ZNF516: variants seen among roughly 807,000 people sequenced by gnomAD.
ZNF516 encodes zinc finger protein 516.
Under a neutral mutation model 79.7 loss-of-function variants are expected in ZNF516, and 19 were observed. The observed-to-expected ratio is 0.24, with a 90% confidence interval of 0.17 to 0.35. The LOEUF is 0.35. Among genes scored for constraint, ZNF516 ranks in the 10% least tolerant of loss-of-function variants. ZNF516 has a pLI of 1.00. For synonymous variants in ZNF516, 877 were observed against 739.5 expected (o/e 1.19, Z -3.02); for missense variants, 1,678 against 1,679.5 (o/e 1.00, Z 0.02).
chr18:76,371,513 G>A lies in ZNF516; in HGVS notation c.3318C>T (p.Ser1106=), dbSNP rs1413697543. 2 of 1,610,630 alleles carry A rather than the reference G, an allele frequency of 1.2e-6. No homozygotes were observed. Among genetic ancestry groups the A allele is most frequent in the South Asian group, 1.1e-5 (1 of 91,064 alleles). Residue 1106 remains serine, a synonymous_variant, in exon 5 of 7, where the codon AGC becomes AGT. Coordinates refer to ENST00000443185, the MANE Select transcript of ZNF516 (RefSeq NM_014643.4). ...CCCTGAGGTGGCCGGGCTGGTGGAA[G>A]CTCTTTCCGCACTCGATGCAGACGA... ...GEFVCIECGK[S]FHQPGHLRAH...
intron 3 of ZNF516, among the ~76,000 whole-genome samples, chr18:76,435,783 C>G (rs111695633): frequency 6.6e-6 from 1 of 152,332 alleles, no homozygotes; most frequent in East Asian, 1.9e-4. Context: ...CAGGGCACAC[C>G]GTGCCAGCTC....
intron 1 of ZNF516, among the ~76,000 whole-genome samples, chr18:76,480,529 A>ATCTATATATT (rs374464151): frequency 7.0e-6 from 1 of 142,024 alleles, no homozygotes; most frequent in Non-Finnish European, 1.5e-5. Context: ...ACACACATAT[A>ATCTATATATT]TTTTTTTTTT....
At chr18:76,370,211 T>A (rs769987752) in intron 6 of ZNF516, among the ~76,000 whole-genome samples, 1 of 152,190 alleles carries the variant, frequency 6.6e-6, no homozygotes, top group African/African-American at 2.4e-5. Context: ...CAAACTCACA[T>A]CCAAAACCAT....
intron 3 of ZNF516, among the ~76,000 whole-genome samples, chr18:76,412,822 G>A (rs1175988269): frequency 6.6e-6 from 1 of 152,198 alleles, no homozygotes; most frequent in Non-Finnish European, 1.5e-5. Context: ...CTCTCCCAAA[G>A]AACTCCGGGT....
chr18:76,386,842 T>C (rs781578699), intron 3 of ZNF516: 1 of 152,222 alleles, frequency 6.6e-6, no homozygotes, highest in Non-Finnish European at 1.5e-5. Flanking sequence ...GCCAAACATC[T>C]TAAATATTTT....
At chr18:76,466,317 A>G (rs1913464601) in intron 1 of ZNF516, among the ~76,000 whole-genome samples, 2 of 152,064 alleles carry the variant, frequency 1.3e-5, no homozygotes, top group African/African-American at 4.8e-5. Context: ...TGCAACAGAG[A>G]CTCCGTTCCC....
upstream of ZNF516, chr18:76,495,332 C>T (rs1915439722): frequency 6.9e-6 from 1 of 144,936 alleles, no homozygotes; most frequent in East Asian, 2.1e-4. Context: ...TCGCGCCGCC[C>T]GCGCGCGCCC....
In ZNF516 at chr18:76,467,258, TGA is replaced by T. The variant is rs1160244056; in HGVS notation, c.-271-4119_-271-4118del. ...CTGCGTGTCTCTCGGAACCTGCAGC[TGA>T]CAGCCCCTCTGGGTTGGCAGGAAGT... On this transcript the variant is annotated intron_variant, in intron 1 of 6. Transcript: ENST00000443185. This position sits in a 1 kb window ranked among gnomAD's most constrained non-coding sequence, Gnocchi z 4.2. Among the ~76,000 whole-genome samples, 1,726 of 5,254 alleles carry T rather than the reference TGA, an allele frequency of 0.33. 679 individuals carry two copies. The highest frequency in any genetic ancestry group is 0.7 in the Non-Finnish European group (931 of 1,330). 3.4% of individuals were successfully genotyped at this position (5,254 alleles called of 152,430 possible).
rs574588145 is a variant in ZNF516, at chr18:76,436,455, T to C, written c.1810+4790A>G. Reference sequence around the variant, plus strand: ...CTCGTGGGACCCATGATGAACACTGTGTGAGGACAAGCGCTCCTCCCAACC... The same window carrying C: ...CTCGTGGGACCCATGATGAACACTGCGTGAGGACAAGCGCTCCTCCCAACC... On this transcript the variant is annotated intron_variant, in intron 3 of 6. Coordinates refer to ENST00000443185, the MANE Select transcript of ZNF516 (RefSeq NM_014643.4). Among the ~76,000 whole-genome samples the C allele has an allele frequency of 3.9e-5, 6 of 152,250 alleles. No homozygotes were observed. The South Asian group carries it at 1.2e-3, about 32-fold the overall frequency.
chr18:76,417,800 C>G (rs976593226), intron 3 of ZNF516, among the ~76,000 whole-genome samples: 1 of 151,952 alleles, frequency 6.6e-6, no homozygotes, highest in Non-Finnish European at 1.5e-5. Context: ...TCAGAAAGCC[C>G]TAAGTTAAGA....
intron 3 of ZNF516, among the ~76,000 whole-genome samples, chr18:76,406,703 C>T (rs79506298): frequency 0.017 from 2,615 of 152,324 alleles, 75 homozygotes; most frequent in African/African-American, 0.058. Flanking sequence ...TCCAGGCTTT[C>T]GCCAACACGT....
chr18:76,458,635 G>GCGTGCCT lies in ZNF516; in HGVS notation c.-158+4392_-158+4393insAGGCACG, dbSNP rs1183944538. ...CGCCAGGCCTCACCGTCGTGCGTGTGCATGCCTCACCGTCGTGCGTGTGCG... is the reference window on the plus strand; with the variant it reads ...CGCCAGGCCTCACCGTCGTGCGTGTGCGTGCCTCATGCCTCACCGTCGTGCGTGTGCG... On this transcript the variant is annotated intron_variant, in intron 2 of 6. Coordinates refer to ENST00000443185, the MANE Select transcript of ZNF516 (RefSeq NM_014643.4). Among the ~76,000 whole-genome samples, 34 of 133,040 alleles carry GCGTGCCT rather than the reference G, an allele frequency of 2.6e-4. 2 individuals are homozygous for GCGTGCCT. The South Asian group carries it at 2.9e-3, about 11-fold the overall frequency. 87.3% of individuals were successfully genotyped at this position (133,040 alleles called of 152,430 possible). A position where few individuals can be genotyped will look rare whatever the true frequency, so the allele number is the denominator to read the frequency against.
intron 3 of ZNF516, among the ~76,000 whole-genome samples, chr18:76,433,115 C>T (rs1232705151): frequency 6.6e-6 from 1 of 152,226 alleles, no homozygotes; most frequent in Admixed American, 6.5e-5. Context: ...CCATTAAATA[C>T]TAACTGTAAG....
chr18:76,457,668 G>A (rs1912812471), intron 2 of ZNF516, among the ~76,000 whole-genome samples: 2 of 152,202 alleles, frequency 1.3e-5, no homozygotes, highest in Non-Finnish European at 2.9e-5. Flanking sequence ...AGTGAGCCAT[G>A]ATCATGCCAC....
chr18:76,451,049 G>T lies in ZNF516; in HGVS notation c.-157-7838C>A, dbSNP rs1184409762. ...GCGGAAACCAAGCAAAGCTGACTGGGAGACACCAGGGAGGAACAAAGGAGC... is the reference window on the plus strand; with the variant it reads ...GCGGAAACCAAGCAAAGCTGACTGGTAGACACCAGGGAGGAACAAAGGAGC... On this transcript the variant is annotated intron_variant, in intron 2 of 6. Coordinates refer to ENST00000443185, the MANE Select transcript of ZNF516 (RefSeq NM_014643.4). The surrounding 1 kb of genome is among the most constrained non-coding windows in gnomAD (Gnocchi z 6.0). 6.6e-6 allele frequency among the ~76,000 whole-genome samples: 1 copy of T among 152,182 alleles called. No individual in the cohort carries two copies. The highest frequency in any genetic ancestry group is 2.1e-4 in the South Asian group (1 of 4,830).
chr18:76,390,927 A>G (rs1427111165), intron 3 of ZNF516, among the ~76,000 whole-genome samples: 1 of 152,142 alleles, frequency 6.6e-6, no homozygotes, highest in Non-Finnish European at 1.5e-5. Context: ...CAGCTTATCT[A>G]AGGCCATCAG....
intron 4 of ZNF516, among the ~76,000 whole-genome samples, chr18:76,376,947 C>A (rs1251729959): frequency 6.6e-6 from 1 of 152,170 alleles, no homozygotes; most frequent in African/African-American, 2.4e-5. Flanking sequence ...CACCACTCAG[C>A]CTTCTCTGCT....
intron 4 of ZNF516, among the ~76,000 whole-genome samples, chr18:76,376,179 A>T (rs2074784131): frequency 6.6e-6 from 1 of 152,216 alleles, no homozygotes; most frequent in Non-Finnish European, 1.5e-5. Context: ...AGTTCACCAA[A>T]GCTAGGGGCC....
chr18:76,471,365 A>G (rs1404561651), intron 1 of ZNF516, among the ~76,000 whole-genome samples: 2 of 152,156 alleles, frequency 1.3e-5, no homozygotes, highest in African/African-American at 4.8e-5. Context: ...AACACCTGGC[A>G]AGAGAGGGCA....
Sources: allele counts gnomAD v4.1 joint callset (sites outside exome capture counted in the v4.1 genomes callset), GRCh38; gene constraint gnomAD v4.1.1; non-coding constraint Gnocchi (gnomAD v3.1); transcripts MANE v1.5; gene names NCBI Gene and HGNC (gene_info 2026-07-23, HGNC 2026-07-21).